The following MYO16 variants were observed in gnomAD, a reference collection of about 807,000 sequenced individuals.
MYO16 encodes unconventional myosin-XVI.
In MYO16, 94 loss-of-function variants were observed where a neutral mutation model predicts 205.3. That is an observed-to-expected ratio of 0.46 (90% confidence interval 0.39 to 0.54). MYO16 has a LOEUF of 0.54. Among genes scored for constraint, MYO16 ranks in the 20% least tolerant of loss-of-function variants. The pLI is 0.00. For missense variants in MYO16, 2,315 were observed against 2,387.5 expected (o/e 0.97, Z 0.63); for synonymous variants, 988 against 954.0 (o/e 1.04, Z -0.66).
intron 2 of MYO16, among the ~76,000 whole-genome samples, chr13:108,667,858 C>A (rs1257119496): frequency 6.6e-6 from 1 of 152,022 alleles, no homozygotes; most frequent in Non-Finnish European, 1.5e-5. Context: ...CAAGCCTGGG[C>A]AACATAGCAA....
At chr13:109,038,194 G>A (rs1218952838) in intron 23 of MYO16, among the ~76,000 whole-genome samples, 1 of 152,118 alleles carries the variant, frequency 6.6e-6, no homozygotes, top group East Asian at 1.9e-4. Flanking sequence ...TAACTTATGT[G>A]TCGGTTTCAC....
intron 33 of MYO16, among the ~76,000 whole-genome samples, chr13:109,170,339 T>A (rs1278998224): frequency 3.3e-5 from 5 of 152,070 alleles, no homozygotes; most frequent in Non-Finnish European, 5.9e-5. Flanking sequence ...AGGGCAATAC[T>A]ACTACACACA....
intron 27 of MYO16, among the ~76,000 whole-genome samples, chr13:109,071,093 GA>G (rs1887910499): frequency 6.6e-6 from 1 of 151,996 alleles, no homozygotes; most frequent in Non-Finnish European, 1.5e-5. Flanking sequence ...ATTTTTATCA[GA>G]ATCTATTCTG....
At chr13:108,584,387 C>T in the MYO16 span, among the ~76,000 whole-genome samples, 7 of 152,278 alleles carry the variant, frequency 4.6e-5, no homozygotes, top group East Asian at 1.3e-3. Context: ...CTATGGAGTA[C>T]ATGTGATGTT....
At position 109,125,209 on chromosome 13, in the gene MYO16, G is replaced by T. The variant is rs1181651534; in HGVS notation, c.3633G>T (p.Glu1211Asp). ...TSINSFLQNT[E>D]DMGLKTYDAL... ...TCAATAGCTTTCTGCAGAACACAGA[G>T]GACATGGGGCTGAAAACCTACGATG... Residue 1211 changes from glutamate to aspartate, a missense_variant, in exon 30 of 35, where the codon GAG becomes GAT. Coordinates refer to ENST00000457511, the MANE Select transcript of MYO16 (RefSeq NM_001198950.3). This position sits in a 1 kb window ranked among gnomAD's most constrained non-coding sequence, Gnocchi z 4.0. The T allele has an allele frequency of 2.5e-6, 4 of 1,614,148 alleles. No homozygotes were observed. In the Admixed American group the frequency reaches 5.0e-5, roughly 20 times the overall value.
chr13:108,849,661 G>GTA (rs1877734711), intron 10 of MYO16, among the ~76,000 whole-genome samples: 1 of 112,208 alleles, frequency 8.9e-6, no homozygotes, highest in Non-Finnish European at 1.8e-5. Flanking sequence ...GTGTGTGTGT[G>GTA]TGTGTAACTT....
chr13:108,893,834 C>T (rs1340490372), intron 14 of MYO16, among the ~76,000 whole-genome samples: 1 of 151,998 alleles, frequency 6.6e-6, no homozygotes, highest in African/African-American at 2.4e-5. Flanking sequence ...ACAATTTTGC[C>T]TCAAATCCTA....
At chr13:108,601,730 C>T (rs1878770710) in intron 1 of MYO16, among the ~76,000 whole-genome samples, 1 of 151,972 alleles carries the variant, frequency 6.6e-6, no homozygotes, top group Non-Finnish European at 1.5e-5. Flanking sequence ...ATTTCTAGTC[C>T]TTGTATTTAG....
chr13:109,075,937 G>C, intron 27 of MYO16, among the ~76,000 whole-genome samples: 1 of 152,130 alleles, frequency 6.6e-6, no homozygotes, highest in East Asian at 1.9e-4. Context: ...AGCCACTTGG[G>C]TATGAAGATG....
intron 34 of MYO16, among the ~76,000 whole-genome samples, chr13:109,199,049 G>A (rs1001487780): frequency 2.0e-4 from 30 of 151,520 alleles, no homozygotes; most frequent in Admixed American, 4.0e-4. Flanking sequence ...CCTTCTCCTC[G>A]CATGTTCTTC....
intron 20 of MYO16, among the ~76,000 whole-genome samples, chr13:108,985,565 C>T (rs933193452): frequency 1.3e-5 from 2 of 152,130 alleles, no homozygotes; most frequent in Non-Finnish European, 2.9e-5. Flanking sequence ...GGGAAAAATA[C>T]GGCGGTCAGT....
intron 4 of MYO16, among the ~76,000 whole-genome samples, chr13:108,756,808 T>C (rs900015564): frequency 6.6e-6 from 1 of 152,200 alleles, no homozygotes; most frequent in Admixed American, 6.5e-5. Flanking sequence ...AACAATGTTT[T>C]ACCAACTCTC....
chr13:108,777,260 A>C (rs970809030), intron 4 of MYO16, among the ~76,000 whole-genome samples: 1 of 152,226 alleles, frequency 6.6e-6, no homozygotes, highest in African/African-American at 2.4e-5. Flanking sequence ...CATAGGTACT[A>C]GCCAGCGTCC....
chr13:108,677,313 ATG>A (rs769838012), intron 2 of MYO16, among the ~76,000 whole-genome samples: 3,123 of 140,644 alleles, frequency 0.022, 90 homozygotes, highest in African/African-American at 0.066. Flanking sequence ...GTGCACATGC[ATG>A]TGTGTGTGTG....
At chr13:108,879,512 C>G (rs529216949) in intron 12 of MYO16, among the ~76,000 whole-genome samples, 1 of 152,222 alleles carries the variant, frequency 6.6e-6, no homozygotes, top group South Asian at 2.1e-4. Flanking sequence ...TCCCTCCCCA[C>G]TCCCCCAACC....
intron 1 of MYO16, among the ~76,000 whole-genome samples, chr13:108,634,419 T>A (rs1251637219): frequency 6.6e-6 from 1 of 152,184 alleles, no homozygotes; most frequent in African/African-American, 2.4e-5. Flanking sequence ...CTTTCTCTCC[T>A]GCATCAGCTT....
chr13:109,021,779 A>G (rs75038353), intron 23 of MYO16, among the ~76,000 whole-genome samples: 1,883 of 152,232 alleles, frequency 0.012, 38 homozygotes, highest in African/African-American at 0.043. Flanking sequence ...TGCATGTACA[A>G]CCAAGGGCTT....
chr13:109,077,669 A>G (rs1304012389), intron 27 of MYO16, among the ~76,000 whole-genome samples: 2 of 152,172 alleles, frequency 1.3e-5, no homozygotes, highest in East Asian at 1.9e-4. Context: ...GCTGCTGTCC[A>G]TCTTAACTTT....
chr13:109,158,596 C>T lies in MYO16; in HGVS notation c.5165-6305C>T, dbSNP rs985334845. Among the ~76,000 whole-genome samples the T allele has an allele frequency of 1.2e-4, 19 of 152,318 alleles. No individual in the cohort carries two copies. The East Asian group carries it at 3.7e-3, about 29-fold the overall frequency. ...ATCCAGTGACCTCACACCTATTTCT[C>T]CTCCCGCCTGTGAATTACTCAAAGG... On this transcript the variant is annotated intron_variant, in intron 32 of 34. Coordinates refer to ENST00000457511, the MANE Select transcript of MYO16 (RefSeq NM_001198950.3).
Sources: allele counts gnomAD v4.1 joint callset (sites outside exome capture counted in the v4.1 genomes callset), GRCh38; gene constraint gnomAD v4.1.1; non-coding constraint Gnocchi (gnomAD v3.1); transcripts MANE v1.5; gene names NCBI Gene and HGNC (gene_info 2026-07-23, HGNC 2026-07-21).